GPC5: variants seen among roughly 807,000 people sequenced by gnomAD.
GPC5 encodes glypican-5.
In GPC5, 47 loss-of-function variants were observed where a neutral mutation model predicts 53.9. The observed-to-expected ratio is 0.87, with a 90% CI of 0.69 to 1.11. The LOEUF is 1.11. Ranked by LOEUF, GPC5 falls within the 50% of genes most tolerant of loss-of-function variation. The pLI, the probability that GPC5 is intolerant of heterozygous loss-of-function variation, is 0.00. For missense variants in GPC5, 748 were observed against 713.1 expected, an observed-to-expected ratio of 1.05 and a Z score of -0.56; for synonymous variants, 286 against 263.3, an observed-to-expected ratio of 1.09 and a Z score of -0.84.
At chr13:92,703,507 G>A (rs909269216) in intron 7 of GPC5, among the ~76,000 whole-genome samples, 4 of 150,976 alleles carry the variant, frequency 2.6e-5, no homozygotes, top group Non-Finnish European at 5.9e-5. Flanking sequence ...AGAACTCTTT[G>A]AATCTGTAAA....
chr13:91,975,891 A>G (rs1190230137), intron 6 of GPC5, among the ~76,000 whole-genome samples: 1 of 152,220 alleles, frequency 6.6e-6, no homozygotes. Flanking sequence ...ACAATGATAG[A>G]CTGGATTAAG....
At chr13:91,901,287 T>A (rs984459836) in intron 5 of GPC5, among the ~76,000 whole-genome samples, 5 of 152,066 alleles carry the variant, frequency 3.3e-5, no homozygotes, top group Non-Finnish European at 5.9e-5. Context: ...ATGTTAGAGA[T>A]TAACTTAAAA....
chr13:92,293,396 T>C (rs574684355), intron 7 of GPC5, among the ~76,000 whole-genome samples: 1 of 149,612 alleles, frequency 6.7e-6, no homozygotes, highest in Non-Finnish European at 1.5e-5. Flanking sequence ...TGGTTAGGTA[T>C]ACTCCTAAGG....
At chr13:91,488,517 T>C (rs574836583) in intron 2 of GPC5, among the ~76,000 whole-genome samples, 16 of 152,226 alleles carry the variant, frequency 1.1e-4, no homozygotes, top group Non-Finnish European at 1.5e-5. Flanking sequence ...CCCAAATTAA[T>C]ACTTTTATAA....
At chr13:92,649,864 T>C (rs1281902802) in intron 7 of GPC5, among the ~76,000 whole-genome samples, 1 of 152,184 alleles carries the variant, frequency 6.6e-6, no homozygotes, top group Non-Finnish European at 1.5e-5. Flanking sequence ...AGTTTATGAT[T>C]ATTGTCTTTA....
intron 2 of GPC5, among the ~76,000 whole-genome samples, chr13:91,473,727 G>T (rs1882769733): frequency 6.6e-6 from 1 of 152,108 alleles, no homozygotes; most frequent in African/African-American, 2.4e-5. Context: ...TCTAAGAATA[G>T]TAAGAAACCT....
intron 2 of GPC5, among the ~76,000 whole-genome samples, chr13:91,552,487 C>G (rs2030699863): frequency 1.3e-5 from 2 of 151,836 alleles, no homozygotes; most frequent in Admixed American, 1.3e-4. Context: ...AGCTGAGAGC[C>G]CTGAACAGAG....
intron 5 of GPC5, among the ~76,000 whole-genome samples, chr13:91,785,316 A>G (rs2037861356): frequency 6.6e-6 from 1 of 152,146 alleles, no homozygotes; most frequent in African/African-American, 2.4e-5. Flanking sequence ...CTGGTCTCTA[A>G]TAGCCTCTAC....
chr13:92,386,775 T>C (rs1874746502), intron 7 of GPC5, among the ~76,000 whole-genome samples: 1 of 152,016 alleles, frequency 6.6e-6, no homozygotes, highest in Admixed American at 6.6e-5. Flanking sequence ...TTACTATATA[T>C]CTCTCCAGTT....
chr13:92,645,116 C>A (rs1310468826), intron 7 of GPC5, among the ~76,000 whole-genome samples: 1 of 152,104 alleles, frequency 6.6e-6, no homozygotes, highest in African/African-American at 2.4e-5. Context: ...AACTTTAAAA[C>A]AATCCCAGCC....
At chr13:92,182,752 C>T (rs1170828616) in intron 7 of GPC5, among the ~76,000 whole-genome samples, 4 of 151,924 alleles carry the variant, frequency 2.6e-5, no homozygotes, top group Non-Finnish European at 4.4e-5. Flanking sequence ...GCCTGCAGTC[C>T]CAGCTTCTAG....
intron 6 of GPC5, among the ~76,000 whole-genome samples, chr13:92,094,500 GA>G (rs2041405583): frequency 9.3e-6 from 1 of 107,398 alleles, no homozygotes; most frequent in Non-Finnish European, 1.7e-5. Flanking sequence ...CAGCCTGGGC[GA>G]AAGAGCAAGA....
intron 7 of GPC5, among the ~76,000 whole-genome samples, chr13:92,354,169 CT>C (rs1186227991): frequency 6.6e-6 from 1 of 152,164 alleles, no homozygotes; most frequent in Non-Finnish European, 1.5e-5. Context: ...AACTTGTAGG[CT>C]GTAAAGCTTT....
At chr13:92,144,155 AG>A (rs2041849940) in intron 6 of GPC5, among the ~76,000 whole-genome samples, 1 of 152,206 alleles carries the variant, frequency 6.6e-6, no homozygotes, top group African/African-American at 2.4e-5. Flanking sequence ...CCTGTGCTGT[AG>A]GGGAAAATGT....
intron 7 of GPC5, among the ~76,000 whole-genome samples, chr13:92,174,376 AC>A (rs1384658577): frequency 9.3e-6 from 1 of 107,922 alleles, no homozygotes; most frequent in Non-Finnish European, 2.1e-5. Context: ...AAAAAAAAAA[AC>A]AAAAAAAAAT....
intron 7 of GPC5, among the ~76,000 whole-genome samples, chr13:92,150,748 C>G (rs902346107): frequency 6.6e-6 from 1 of 152,118 alleles, no homozygotes; most frequent in Admixed American, 6.5e-5. Flanking sequence ...GAGGAGCCCT[C>G]CTAGCTTGCA....
chr13:91,582,302 G>C (rs2032393975), intron 2 of GPC5, among the ~76,000 whole-genome samples: 1 of 152,054 alleles, frequency 6.6e-6, no homozygotes, highest in African/African-American at 2.4e-5. Context: ...TAATATTTCT[G>C]GTAAACTCCA....
At chr13:92,189,345 T>A (rs561002152) in intron 7 of GPC5, among the ~76,000 whole-genome samples, 28 of 145,026 alleles carry the variant, frequency 1.9e-4, no homozygotes, top group Non-Finnish European at 3.8e-4. Flanking sequence ...CCAACTCTAG[T>A]CTCCCAAGTG....
intron 6 of GPC5, among the ~76,000 whole-genome samples, chr13:92,011,095 C>T (rs538840780): frequency 3.2e-4 from 48 of 152,210 alleles, no homozygotes; most frequent in Middle Eastern, 3.4e-3. Context: ...GTAAATATAA[C>T]TCTATATGTG....
Sources: allele counts gnomAD v4.1 joint callset (sites outside exome capture counted in the v4.1 genomes callset), GRCh38; gene constraint gnomAD v4.1.1; transcripts MANE v1.5; gene names NCBI Gene and HGNC (gene_info 2026-07-23, HGNC 2026-07-21).